C8A: variants seen among roughly 807,000 people sequenced by gnomAD.
The protein encoded by C8A is complement C8 alpha chain, also known as complement component C8 alpha chain.
A neutral mutation model predicts 65.3 loss-of-function variants in C8A; 67 were observed. The ratio of observed to expected loss-of-function variants is 1.03; its 90% CI spans 0.84 to 1.26. C8A has a LOEUF of 1.26. Among genes scored for constraint, C8A ranks in the 50% most tolerant of loss-of-function variants. The probability of loss-of-function intolerance (pLI) is 0.00; values close to 1 mark genes in which losing one functional copy is unlikely to be tolerated. For synonymous variants in C8A, 290 were observed against 259.4 expected (o/e 1.12, Z -1.13); for missense variants, 781 against 723.9 (o/e 1.08, Z -0.90).
intron 7 of C8A, among the ~76,000 whole-genome samples, chr1:56,904,975 C>G (rs748302430): frequency 1.3e-5 from 2 of 152,364 alleles, no homozygotes; most frequent in East Asian, 3.9e-4. Flanking sequence ...TTCAGCAGCA[C>G]TCCACCATCC....
intron 4 of C8A, among the ~76,000 whole-genome samples, chr1:56,880,595 C>T (rs1188510666): frequency 6.6e-6 from 1 of 152,090 alleles, no homozygotes; most frequent in African/African-American, 2.4e-5. Flanking sequence ...CATGCTGCCT[C>T]AAAGATAATG....
At chr1:56,860,239 T>A (rs953762537) in intron 1 of C8A, among the ~76,000 whole-genome samples, 3 of 151,948 alleles carry the variant, frequency 2.0e-5, no homozygotes, top group Non-Finnish European at 4.4e-5. Flanking sequence ...AAGAGCAGGG[T>A]AAAGCGGAGG....
chr1:56,856,054 G>A (rs1643971859), intron 1 of C8A, among the ~76,000 whole-genome samples: 1 of 152,054 alleles, frequency 6.6e-6, no homozygotes, highest in Non-Finnish European at 1.5e-5. Flanking sequence ...GAGTCTTGAT[G>A]TTTGATGAAC....
chr1:56,875,063 T>G lies in C8A; in HGVS notation c.286T>G (p.Cys96Gly), dbSNP rs748481316. ...SSTTCVRQAQ[C>G]GQDFQCKETG... ...TACAACTTGTGTAAGGCAAGCACAG[T>G]GTGGACAGGATTTCCAGTGTAAGGA... The change falls in exon 3 of 11, where the codon TGT (cysteine) becomes GGT (glycine). Residue 96 changes from cysteine (C) to glycine (G), a missense_variant. Physicochemically the swap from Cys to Gly is radical, Grantham distance 159. Transcript: ENST00000361249. 6.2e-7 allele frequency: 1 copy of G among 1,613,664 alleles called. No individual in the cohort carries two copies. Among genetic ancestry groups the G allele is most frequent in the Admixed American group, 1.7e-5 (1 of 59,982 alleles).
At chr1:56,884,862 T>C (rs935778078) in intron 6 of C8A, among the ~76,000 whole-genome samples, 1 of 152,204 alleles carries the variant, frequency 6.6e-6, no homozygotes, top group African/African-American at 2.4e-5. Flanking sequence ...CAAGATTATG[T>C]CCTCTGCACC....
At chr1:56,871,629 C>G (rs1419681432) in intron 2 of C8A, among the ~76,000 whole-genome samples, 1 of 152,154 alleles carries the variant, frequency 6.6e-6, no homozygotes, top group Non-Finnish European at 1.5e-5. Flanking sequence ...GGAATTCTAA[C>G]TCAGCTCAAA....
chr1:56,859,761 A>AC (rs59059338), intron 1 of C8A, among the ~76,000 whole-genome samples: 98,524 of 152,000 alleles, frequency 0.65, 32,769 homozygotes, highest in East Asian at 0.9. Flanking sequence ...AAATATATAA[A>AC]AAAAAATTAT....
chr1:56,864,572 T>G (rs1362177005), intron 1 of C8A, among the ~76,000 whole-genome samples: 2 of 152,094 alleles, frequency 1.3e-5, no homozygotes, highest in African/African-American at 4.8e-5. Context: ...GGAGTTGTTT[T>G]AGAGAGTGAG....
chr1:56,866,527 G>A (rs922253051), intron 1 of C8A, among the ~76,000 whole-genome samples: 3 of 152,118 alleles, frequency 2.0e-5, no homozygotes, highest in African/African-American at 7.2e-5. Context: ...TTTCAACTTA[G>A]GTGTCATTAT....
intron 8 of C8A, among the ~76,000 whole-genome samples, chr1:56,907,243 A>C (rs1020887426): frequency 6.6e-6 from 1 of 152,168 alleles, no homozygotes; most frequent in Non-Finnish European, 1.5e-5. Context: ...TGGGGTGTTC[A>C]TGTGTTCATT....
At chr1:56,900,470 A>G (rs1257368156) in intron 7 of C8A, among the ~76,000 whole-genome samples, 1 of 152,202 alleles carries the variant, frequency 6.6e-6, no homozygotes, top group Non-Finnish European at 1.5e-5. Context: ...TACTCAAGTC[A>G]CTACCAGAGA....
chr1:56,874,675 G>A (rs927214), intron 2 of C8A, among the ~76,000 whole-genome samples: 11 of 152,244 alleles, frequency 7.2e-5, no homozygotes, highest in Middle Eastern at 3.4e-3. Context: ...GGGAACAGAG[G>A]TTATTCCTAG....
At chr1:56,871,647 T>C (rs1644148233) in intron 2 of C8A, among the ~76,000 whole-genome samples, 1 of 152,170 alleles carries the variant, frequency 6.6e-6, no homozygotes, top group Non-Finnish European at 1.5e-5. Flanking sequence ...AAAATGGGTT[T>C]CCCATAGTAT....
intron 4 of C8A, among the ~76,000 whole-genome samples, chr1:56,879,065 CAAAT>C (rs1375869255): frequency 2.6e-5 from 4 of 152,148 alleles, no homozygotes; most frequent in African/African-American, 7.2e-5. Context: ...GCTATTCTTA[CAAAT>C]AAAGTTTTAT....
intron 7 of C8A, among the ~76,000 whole-genome samples, chr1:56,887,067 G>A (rs1003419619): frequency 6.6e-6 from 1 of 152,188 alleles, no homozygotes; most frequent in Non-Finnish European, 1.5e-5. Context: ...TGAGTGAGAG[G>A]AAGGATAAGA....
chr1:56,916,804 C>A (rs1314318662), intron 10 of C8A, among the ~76,000 whole-genome samples: 1 of 152,082 alleles, frequency 6.6e-6, no homozygotes, highest in Non-Finnish European at 1.5e-5. Flanking sequence ...AGGCGGAGCC[C>A]CAGGCTAGGT....
chr1:56,898,168 G>C (rs898414434), intron 7 of C8A, among the ~76,000 whole-genome samples: 1 of 152,094 alleles, frequency 6.6e-6, no homozygotes, highest in Non-Finnish European at 1.5e-5. Flanking sequence ...GGTTGGACTC[G>C]GTTTTGGAAG....
intron 9 of C8A, 103 bp from the exon 10 acceptor site, chr1:56,912,300 C>T (rs1203324367): frequency 5.9e-6 from 6 of 1,014,042 alleles, no homozygotes; most frequent in Non-Finnish European, 9.1e-6. Context: ...GTGTCTGTGC[C>T]TGGCATGTAT....
chr1:56,912,850 T>C (rs979351316), intron 10 of C8A, among the ~76,000 whole-genome samples: 1 of 152,198 alleles, frequency 6.6e-6, no homozygotes, highest in African/African-American at 2.4e-5. Flanking sequence ...TTCGCCAAGA[T>C]GTATATGGAC....
Sources: gnomAD v4.1 joint callset for allele counts (sites outside exome capture counted in the v4.1 genomes callset) on GRCh38, gnomAD v4.1.1 for gene constraint, MANE v1.5 for transcripts, NCBI Gene and HGNC (gene_info 2026-07-23, HGNC 2026-07-21) for gene names.